The following SERGEF variants were observed in gnomAD, a reference collection of about 807,000 sequenced individuals.
The protein encoded by SERGEF is secretion regulating guanine nucleotide exchange factor.
SERGEF carries 51 observed loss-of-function variants against 50.0 expected under a neutral mutation model. The ratio of observed to expected loss-of-function variants is 1.02; its 90% confidence interval spans 0.81 to 1.29. The LOEUF (loss-of-function observed/expected upper bound fraction) is 1.29, where lower values mean the gene tolerates loss of function less well. Ranked by LOEUF, SERGEF falls within the 50% of genes most tolerant of loss-of-function variation. The pLI is 0.00. For synonymous variants in SERGEF, 205 were observed against 212.4 expected (o/e 0.97, Z 0.30); for missense variants, 521 against 557.0 (o/e 0.94, Z 0.65).
intron 6 of SERGEF, among the ~76,000 whole-genome samples, chr11:17,993,496 C>A (rs1278636115): frequency 6.6e-6 from 1 of 152,138 alleles, no homozygotes; most frequent in Non-Finnish European, 1.5e-5. Flanking sequence ...TAACCCCAAG[C>A]CTCCTAAGAA....
intron 7 of SERGEF, among the ~76,000 whole-genome samples, chr11:17,992,495 C>G (rs571193191): frequency 6.6e-6 from 1 of 152,106 alleles, no homozygotes; most frequent in African/African-American, 2.4e-5. Context: ...CAGCTTCTAC[C>G]CTCATAATCG....
chr11:17,830,719 A>C (rs965311827), intron 10 of SERGEF, among the ~76,000 whole-genome samples: 1 of 150,382 alleles, frequency 6.6e-6, no homozygotes, highest in Admixed American at 6.7e-5. Context: ...AGTCAGGATG[A>C]ACCGACTCCC....
At chr11:18,012,816 G>A in intron 1 of SERGEF, 135 bp downstream of exon 1, 1 of 1,175,630 alleles carries the variant, frequency 8.5e-7, no homozygotes, top group Non-Finnish European at 1.1e-6. Context: ...TCCGCTCCCA[G>A]CCCAGGATCC....
At chr11:17,844,057 T>C (rs1850556206) in intron 10 of SERGEF, among the ~76,000 whole-genome samples, 1 of 152,132 alleles carries the variant, frequency 6.6e-6, no homozygotes, top group Non-Finnish European at 1.5e-5. Flanking sequence ...AGTGATTTGA[T>C]AGAATAGTCC....
At chr11:17,989,999 G>A (rs1338644544) in intron 7 of SERGEF, among the ~76,000 whole-genome samples, 1 of 152,150 alleles carries the variant, frequency 6.6e-6, no homozygotes, top group African/African-American at 2.4e-5. Flanking sequence ...ATTAATCAAG[G>A]CTGGAAGATA....
At chr11:17,885,783 T>C (rs1189731549) in intron 9 of SERGEF, among the ~76,000 whole-genome samples, 1 of 152,110 alleles carries the variant, frequency 6.6e-6, no homozygotes, top group African/African-American at 2.4e-5. Context: ...CCCCCACTTT[T>C]GTATCTTCAT....
At chr11:17,954,853 T>C (rs1364571140) in intron 9 of SERGEF, among the ~76,000 whole-genome samples, 2 of 152,222 alleles carry the variant, frequency 1.3e-5, no homozygotes, top group Admixed American at 6.5e-5. Flanking sequence ...CTGTTTGCCT[T>C]GGATCTTCTC....
intron 9 of SERGEF, among the ~76,000 whole-genome samples, chr11:17,952,982 G>A (rs1447983281): frequency 6.6e-6 from 1 of 152,048 alleles, no homozygotes; most frequent in Non-Finnish European, 1.5e-5. Flanking sequence ...AGATTCCCCT[G>A]TTACTTTACT....
intron 10 of SERGEF, among the ~76,000 whole-genome samples, chr11:17,863,917 T>A (rs909700269): frequency 4.6e-5 from 7 of 152,236 alleles, no homozygotes; most frequent in Admixed American, 3.9e-4. Flanking sequence ...TTTGTGGACA[T>A]GAAGACAGAC....
At chr11:17,803,331 C>G (rs1262752603) in intron 10 of SERGEF, among the ~76,000 whole-genome samples, 1 of 152,222 alleles carries the variant, frequency 6.6e-6, no homozygotes, top group African/African-American at 2.4e-5. Context: ...CAAATGAGCA[C>G]CCATCCATCT....
At chr11:17,857,365 T>C (rs4756925) in intron 10 of SERGEF, among the ~76,000 whole-genome samples, 95,816 of 151,978 alleles carry the variant, frequency 0.63, 30,592 homozygotes, top group East Asian at 0.85. Context: ...GACCCCAGGG[T>C]TCTTCTTACA....
At chr11:17,820,621 C>A (rs1850063494) in intron 10 of SERGEF, among the ~76,000 whole-genome samples, 2 of 152,194 alleles carry the variant, frequency 1.3e-5, no homozygotes, top group Admixed American at 1.3e-4. Context: ...ACCTTACAAT[C>A]TTGGACTGTA....
At chr11:17,819,745 A>G (rs758376221) in intron 10 of SERGEF, among the ~76,000 whole-genome samples, 28 of 152,198 alleles carry the variant, frequency 1.8e-4, no homozygotes, top group African/African-American at 2.9e-4. Flanking sequence ...AGACCTTCCC[A>G]GTTGTAGGCA....
At chr11:17,840,634 C>T (rs1453211368) in intron 10 of SERGEF, among the ~76,000 whole-genome samples, 2 of 152,148 alleles carry the variant, frequency 1.3e-5, no homozygotes, top group Non-Finnish European at 2.9e-5. Flanking sequence ...TAGTTACTGT[C>T]TAGGGAGACT....
chr11:17,795,417 T>A (rs1849556478), intron 10 of SERGEF, among the ~76,000 whole-genome samples: 1 of 152,142 alleles, frequency 6.6e-6, no homozygotes, highest in African/African-American at 2.4e-5. Context: ...GGTCCTCACG[T>A]CCCTTGCCCT....
At chr11:17,940,754 C>T (rs776333932) in intron 9 of SERGEF, among the ~76,000 whole-genome samples, 5 of 152,056 alleles carry the variant, frequency 3.3e-5, no homozygotes, top group Non-Finnish European at 7.4e-5. Context: ...ATCAGTCTTA[C>T]GGCCCCTTTC....
intron 10 of SERGEF, among the ~76,000 whole-genome samples, chr11:17,801,113 T>A (rs1309167756): frequency 6.7e-6 from 1 of 148,490 alleles, no homozygotes; most frequent in African/African-American, 2.5e-5. Flanking sequence ...GAGAACGGCG[T>A]GAACCTGGGA....
chr11:17,804,058 G>A (rs769487383), intron 10 of SERGEF, among the ~76,000 whole-genome samples: 1 of 152,196 alleles, frequency 6.6e-6, no homozygotes, highest in South Asian at 2.1e-4. Flanking sequence ...GTTCCTACAG[G>A]ATTGTATGAC....
chr11:17,916,505 T>C (rs1590195773), intron 9 of SERGEF, among the ~76,000 whole-genome samples: 2 of 152,168 alleles, frequency 1.3e-5, no homozygotes, highest in Non-Finnish European at 2.9e-5. Context: ...AGAATCAAAG[T>C]AGAGACCTGG....
Sources: allele counts gnomAD v4.1 joint callset (sites outside exome capture counted in the v4.1 genomes callset), GRCh38; gene constraint gnomAD v4.1.1; transcripts MANE v1.5; gene names NCBI Gene and HGNC (gene_info 2026-07-23, HGNC 2026-07-21).